The following SP140 variants were observed in gnomAD, a reference collection of about 807,000 sequenced individuals.
SP140 encodes the protein nuclear body protein SP140.
A neutral mutation model predicts 125.0 loss-of-function variants in SP140; 81 were observed. The ratio of observed to expected loss-of-function variants is 0.65; its 90% CI spans 0.54 to 0.78. The LOEUF is 0.78. SP140 is among the 30% of genes least tolerant of loss of function. SP140 has a pLI of 0.00. For synonymous variants in SP140, 312 were observed against 354.0 expected, an observed-to-expected ratio of 0.88 and a Z score of 1.33; for missense variants, 858 against 1,037.0, an observed-to-expected ratio of 0.83 and a Z score of 2.37.
upstream of SP140, chr2:230,200,999 G>A (rs1372314667): frequency 6.6e-7 from 1 of 1,515,092 alleles, no homozygotes; most frequent in Non-Finnish European, 9.2e-7. Context: ...AATGCCCCTT[G>A]GGAAACACCA....
chr2:230,268,888 G>C (rs1466600921), intron 12 of SP140, among the ~76,000 whole-genome samples: 1 of 152,140 alleles, frequency 6.6e-6, no homozygotes, highest in Non-Finnish European at 1.5e-5. Context: ...TTTTTGAAGG[G>C]CTAGGCTACT....
At chr2:230,270,351 A>G (rs1021684572) in intron 14 of SP140, among the ~76,000 whole-genome samples, 2 of 152,124 alleles carry the variant, frequency 1.3e-5, no homozygotes, top group Non-Finnish European at 2.9e-5. Flanking sequence ...TGTCAGGAGG[A>G]AAGACTGCAG....
At chr2:230,281,406 A>C (rs2055526666) in intron 15 of SP140, among the ~76,000 whole-genome samples, 1 of 152,234 alleles carries the variant, frequency 6.6e-6, no homozygotes, top group Non-Finnish European at 1.5e-5. Flanking sequence ...GTATGTTTAG[A>C]GTTCTTTTGT....
chr2:230,234,674 T>C (rs540023730), intron 1 of SP140, among the ~76,000 whole-genome samples: 1 of 152,304 alleles, frequency 6.6e-6, no homozygotes, highest in African/African-American at 2.4e-5. Flanking sequence ...CTTTTCCCCA[T>C]ATGTTCTGGG....
At position 230,237,504 on chromosome 2, in the gene SP140, A is replaced by C; in HGVS notation, c.237+244A>C. 1 of 433,078 alleles carries C rather than the reference A, an allele frequency of 2.3e-6. No homozygotes were observed. The allele number at this position is 433,078 out of a possible 1,614,324, so 26.8% of individuals were successfully genotyped here. A position where few individuals can be genotyped will look rare whatever the true frequency, so the allele number is the denominator to read the frequency against. ...GAATGGGAATGCTGTATGGGTGCAGATCATCCTAGGTACTTGTAAACAATC... is the reference window on the plus strand; with the variant it reads ...GAATGGGAATGCTGTATGGGTGCAGCTCATCCTAGGTACTTGTAAACAATC... On this transcript the variant is annotated intron_variant, in intron 2 of 26. Transcript: ENST00000392045. This position sits in a 1 kb window ranked among gnomAD's most constrained non-coding sequence, Gnocchi z 5.4.
At chr2:230,269,397 G>A (rs990388388) in intron 12 of SP140, 135 bp from the exon 13 acceptor site, 2 of 647,204 alleles carry the variant, frequency 3.1e-6, no homozygotes, top group Admixed American at 2.6e-5. Context: ...TGTGATTATT[G>A]GAGCAGGTAT....
At chr2:230,210,073 T>C in intron 1 of SP140, 1 of 967,594 alleles carries the variant, frequency 1.0e-6, no homozygotes, top group South Asian at 1.3e-5. Context: ...CTGAGGGAAG[T>C]CAATGCAAGA....
At position 230,225,961 on chromosome 2, in the gene SP140, A is replaced by G. The variant is rs572960430; in HGVS notation, c.59+58A>G. On this transcript the variant is annotated intron_variant, in intron 1 of 26. Coordinates refer to ENST00000392045, the MANE Select transcript of SP140 (RefSeq NM_007237.5). Reference sequence around the variant, plus strand: ...CATCTCTGGTAGGGTTCCCTTTCATACTTGTTATTTAATGTCTACCCAGCT... The same window carrying G: ...CATCTCTGGTAGGGTTCCCTTTCATGCTTGTTATTTAATGTCTACCCAGCT... The G allele has an allele frequency of 9.3e-5, 129 of 1,386,106 alleles. 2 individuals carry two copies. In the South Asian group the frequency reaches 1.4e-3, roughly 15 times the overall value. The allele number at this position is 1,386,106 out of a possible 1,614,324, so 85.9% of individuals were successfully genotyped here. A position where few individuals can be genotyped will look rare whatever the true frequency, so the allele number is the denominator to read the frequency against.
At chr2:230,250,581 T>C (rs2050206841) in intron 9 of SP140, among the ~76,000 whole-genome samples, 1 of 152,008 alleles carries the variant, frequency 6.6e-6, no homozygotes, top group South Asian at 2.1e-4. Context: ...ATAAATGAGA[T>C]GGGGAAAGCC....
the SP140 span, among the ~76,000 whole-genome samples, chr2:230,188,874 A>G: frequency 3.9e-5 from 6 of 151,904 alleles, 1 homozygote; most frequent in African/African-American, 1.2e-4. Context: ...GCTGGATTCA[A>G]TCTCACTGTT....
At chr2:230,262,986 G>A (rs2052519759) in intron 12 of SP140, among the ~76,000 whole-genome samples, 1 of 152,220 alleles carries the variant, frequency 6.6e-6, no homozygotes, top group Non-Finnish European at 1.5e-5. Context: ...TTGTTCCAAG[G>A]TATAGTTTAA....
At chr2:230,238,147 C>T in intron 2 of SP140, 66 bp from the exon 3 acceptor site, 5 of 1,160,176 alleles carry the variant, frequency 4.3e-6, no homozygotes, top group South Asian at 1.5e-5. Context: ...GTTCTATCTA[C>T]AACCTAAAAG....
rs1412802272 is a variant in SP140 at position 230,245,940 on chromosome 2, G to A, written c.742G>A (p.Val248Ile). The change falls in exon 7 of 27, where the codon GTT becomes ATT. Residue 248 changes from valine to isoleucine, a missense_variant and splice_region_variant. Transcript: ENST00000392045. ...CAAGTTACTGCCTTATGATACAGAA[G>A]GTAATTAGGATTTAAATTAAAGCTT... ...MPKLLPYDTE[V>I]LESNGMIDAA... 2 of 1,566,110 alleles carry A rather than the reference G, an allele frequency of 1.3e-6. No homozygotes were observed. The highest frequency in any genetic ancestry group is 2.2e-5 in the East Asian group (1 of 44,658).
chr2:230,212,843 A>G, intron 1 of SP140: 1 of 1,604,748 alleles, frequency 6.2e-7, no homozygotes, highest in Non-Finnish European at 8.5e-7. Flanking sequence ...TCAGGATCTC[A>G]TCGCTTTGCT....
intron 3 of SP140, among the ~76,000 whole-genome samples, chr2:230,240,062 A>G (rs2048510237): frequency 6.6e-6 from 1 of 152,210 alleles, no homozygotes; most frequent in Admixed American, 6.5e-5. Context: ...GACTATGAGT[A>G]GAAATGTGAG....
At chr2:230,208,170 A>G in intron 1 of SP140, 1 of 694,070 alleles carries the variant, frequency 1.4e-6, no homozygotes, top group Non-Finnish European at 2.6e-6. Context: ...CTAGAAGTTC[A>G]TTGGTGACCT....
chr2:230,286,344 T>TG (rs1202155209), intron 17 of SP140, among the ~76,000 whole-genome samples: 3 of 152,218 alleles, frequency 2.0e-5, no homozygotes, highest in African/African-American at 7.2e-5. Flanking sequence ...TAGGCAAGCC[T>TG]TAGTCTGGAA....
intron 13 of SP140, 28 bp from the exon 14 acceptor site, chr2:230,269,809 G>A (rs1326767067): frequency 6.4e-7 from 1 of 1,552,996 alleles, no homozygotes; most frequent in Non-Finnish European, 8.9e-7. Flanking sequence ...CAAACTGAAA[G>A]TCTTCATGAA....
upstream of SP140, among the ~76,000 whole-genome samples, chr2:230,224,990 G>A (rs2046156561): frequency 6.6e-6 from 1 of 152,044 alleles, no homozygotes; most frequent in African/African-American, 2.4e-5. Flanking sequence ...ATGAGGGCTG[G>A]GTATAAATGA....
Sources: allele counts gnomAD v4.1 joint callset (sites outside exome capture counted in the v4.1 genomes callset), GRCh38; gene constraint gnomAD v4.1.1; non-coding constraint Gnocchi (gnomAD v3.1); transcripts MANE v1.5; gene names NCBI Gene and HGNC (gene_info 2026-07-23, HGNC 2026-07-21).